LINGO2: variants seen among roughly 807,000 people sequenced by gnomAD.
LINGO2 encodes leucine rich repeat and Ig domain containing 2.
LINGO2 carries 14 observed loss-of-function variants against 30.6 expected under a neutral mutation model. The ratio of observed to expected loss-of-function variants is 0.46; its 90% CI spans 0.30 to 0.72. The LOEUF (loss-of-function observed/expected upper bound fraction) is 0.72. LINGO2 is among the 30% of genes least tolerant of loss of function. LINGO2 has a pLI of 0.07. For synonymous variants in LINGO2, 317 were observed against 288.5 expected, an observed-to-expected ratio of 1.10 and a Z score of -1.00; for missense variants, 729 against 751.7, an observed-to-expected ratio of 0.97 and a Z score of 0.35.
At chr9:28,461,349 T>G (rs1825072370) in intron 2 of LINGO2, among the ~76,000 whole-genome samples, 1 of 152,130 alleles carries the variant, frequency 6.6e-6, no homozygotes, top group African/African-American at 2.4e-5. Context: ...TCCCTCACTA[T>G]CATTTACTTC....
At chr9:28,397,109 C>T (rs1822078307) in intron 2 of LINGO2, among the ~76,000 whole-genome samples, 1 of 151,944 alleles carries the variant, frequency 6.6e-6, no homozygotes, top group Non-Finnish European at 1.5e-5. Flanking sequence ...TGAGTACTTC[C>T]TTCCTAATAA....
At chr9:27,962,174 G>A (rs1819880329) in intron 5 of LINGO2, among the ~76,000 whole-genome samples, 1 of 152,084 alleles carries the variant, frequency 6.6e-6, no homozygotes, top group African/African-American at 2.4e-5. Flanking sequence ...TTTCCAGTTC[G>A]TTTTTGAATT....
the LINGO2 span, among the ~76,000 whole-genome samples, chr9:29,132,136 A>G: frequency 6.6e-6 from 1 of 151,948 alleles, no homozygotes; most frequent in South Asian, 2.1e-4. Flanking sequence ...GCCACAAGTC[A>G]GCATGAAGCA....
the LINGO2 span, among the ~76,000 whole-genome samples, chr9:29,201,848 C>T: frequency 2.6e-5 from 4 of 151,932 alleles, no homozygotes; most frequent in African/African-American, 4.8e-5. Flanking sequence ...GTGTTTTTCA[C>T]CCCTATTTTA....
chr9:28,392,690 G>T (rs1164608824), intron 2 of LINGO2, among the ~76,000 whole-genome samples: 1 of 152,086 alleles, frequency 6.6e-6, no homozygotes, highest in Non-Finnish European at 1.5e-5. Context: ...ATCACTTGGT[G>T]TTTCTGGTGA....
chr9:29,036,151 T>A, the LINGO2 span, among the ~76,000 whole-genome samples: 1 of 152,100 alleles, frequency 6.6e-6, no homozygotes, highest in African/African-American at 2.4e-5. Context: ...TGTTAATTTA[T>A]CAATACTTAC....
the LINGO2 span, among the ~76,000 whole-genome samples, chr9:28,797,831 T>C: frequency 2.0e-5 from 3 of 151,898 alleles, no homozygotes; most frequent in Admixed American, 2.0e-4. Flanking sequence ...GTTAGAGCAG[T>C]AGAAATGTGC....
rs148632479 is a variant in LINGO2, at chr9:28,408,159, T to C, written c.-278-35291A>G. Among the ~76,000 whole-genome samples, 12 of 152,306 alleles carry C rather than the reference T, an allele frequency of 7.9e-5. No homozygotes were observed. The East Asian group carries it at 2.3e-3, about 29-fold the overall frequency. ...CTCGTCTAGGTTCATATAGAGTCAGTAACTTACAAGGTACCCTTGGGTACA... is the reference window on the plus strand; with the variant it reads ...CTCGTCTAGGTTCATATAGAGTCAGCAACTTACAAGGTACCCTTGGGTACA... On this transcript the variant is annotated intron_variant, in intron 2 of 5. Coordinates refer to ENST00000379992, the Ensembl canonical transcript of LINGO2.
rs1442375408 is a variant in LINGO2, at chr9:28,218,466, C to T, written c.-87+76742G>A. On this transcript the variant is annotated intron_variant, in intron 4 of 5. Coordinates refer to ENST00000379992, the Ensembl canonical transcript of LINGO2. The stretch of plus-strand genomic sequence containing the variant: ...TTCTGTCCACATCACCAAAACCAAG[C>T]CTGTTCTGAAGTGGAAAAGTCACAT... 2.0e-5 allele frequency among the ~76,000 whole-genome samples: 3 copies of T among 151,854 alleles called. No individual in the cohort carries two copies. In the East Asian group the frequency reaches 5.8e-4, roughly 29 times the overall value.
At chr9:29,026,031 T>C in the LINGO2 span, among the ~76,000 whole-genome samples, 1 of 152,246 alleles carries the variant, frequency 6.6e-6, no homozygotes, top group African/African-American at 2.4e-5. Context: ...ATTGCTTTTC[T>C]TTTTTCTTTT....
At chr9:28,796,669 AC>A in the LINGO2 span, among the ~76,000 whole-genome samples, 1 of 152,064 alleles carries the variant, frequency 6.6e-6, no homozygotes, top group African/African-American at 2.4e-5. Context: ...AAGAGGGAGG[AC>A]ATGTGTTTCT....
chr9:28,753,006 T>TAGCA, the LINGO2 span, among the ~76,000 whole-genome samples: 1 of 152,076 alleles, frequency 6.6e-6, no homozygotes, highest in Non-Finnish European at 1.5e-5. Context: ...CCAGGCCACA[T>TAGCA]AGCACTTCAG....
chr9:29,200,591 G>A, the LINGO2 span, among the ~76,000 whole-genome samples: 2 of 152,026 alleles, frequency 1.3e-5, no homozygotes, highest in Non-Finnish European at 2.9e-5. Context: ...AGCACAAAGA[G>A]TTCTTATCTA....
At chr9:27,983,835 ATTAATTT>A (rs1820998694) in intron 5 of LINGO2, among the ~76,000 whole-genome samples, 1 of 151,814 alleles carries the variant, frequency 6.6e-6, no homozygotes, top group South Asian at 2.1e-4. Flanking sequence ...GATATTAGTT[ATTAATTT>A]TTGAGTTATC....
chr9:29,075,915 G>A, the LINGO2 span, among the ~76,000 whole-genome samples: 2 of 152,040 alleles, frequency 1.3e-5, no homozygotes, highest in East Asian at 3.8e-4. Context: ...TGGACATACG[G>A]TCTGACTGTC....
At chr9:28,782,693 C>A in the LINGO2 span, among the ~76,000 whole-genome samples, 1 of 152,318 alleles carries the variant, frequency 6.6e-6, no homozygotes, top group East Asian at 1.9e-4. Context: ...TTTGTTACTT[C>A]TTTGAAAGTC....
intron 2 of LINGO2, among the ~76,000 whole-genome samples, chr9:28,375,388 A>G (rs1433747164): frequency 6.6e-6 from 1 of 151,998 alleles, no homozygotes; most frequent in Non-Finnish European, 1.5e-5. Context: ...AACTGAGCCA[A>G]TTCCAAATTA....
chr9:29,182,816 G>A, the LINGO2 span, among the ~76,000 whole-genome samples: 1 of 151,734 alleles, frequency 6.6e-6, no homozygotes, highest in Non-Finnish European at 1.5e-5. Context: ...CAACAAAATA[G>A]TGTAACTGAT....
chr9:28,348,664 G>T (rs1587511267), intron 3 of LINGO2, among the ~76,000 whole-genome samples: 1 of 152,064 alleles, frequency 6.6e-6, no homozygotes. Context: ...AAGGAGGCCT[G>T]CCTGCCTCTG....
Sources: gnomAD v4.1 joint callset for allele counts (sites outside exome capture counted in the v4.1 genomes callset) on GRCh38, gnomAD v4.1.1 for gene constraint, MANE v1.5 for transcripts, NCBI Gene and HGNC (gene_info 2026-07-23, HGNC 2026-07-21) for gene names.